Variants in PSME3IP1 observed in about 807,000 individuals in gnomAD.
PSME3IP1 encodes the protein PSME3-interacting protein.
In PSME3IP1, 13 loss-of-function variants were observed where a neutral mutation model predicts 34.1. That is an observed-to-expected ratio of 0.38 (90% CI 0.25 to 0.61). PSME3IP1 has a LOEUF of 0.61. Ranked by LOEUF, PSME3IP1 falls within the 20% of genes least tolerant of loss-of-function variation. The pLI, the probability that PSME3IP1 is intolerant of heterozygous loss-of-function variation, is 0.60. For synonymous variants in PSME3IP1, 93 were observed against 114.3 expected (o/e 0.81, Z 1.19); for missense variants, 237 against 301.4 (o/e 0.79, Z 1.58).
rs1302365370 is a variant in PSME3IP1, at chr16:57,164,026, G to A, written c.522C>T (p.Asp174=). The part of the protein sequence containing the change: ...SGNSVKRLKP[D]PEPDDKNQEP... ...CTTGATTCTTGTCATCTGGCTCAGG[G>A]TCCGGTTTCAGTCTTTTCACACTGT... The change falls in exon 6 of 7, where the codon GAC becomes GAT. Residue 174 remains aspartate (D), a synonymous_variant. Coordinates refer to ENST00000309137, the MANE Select transcript of PSME3IP1 (RefSeq NM_024946.4). 6.2e-7 allele frequency: 1 copy of A among 1,614,110 alleles called. No individual in the cohort carries two copies. Among genetic ancestry groups the A allele is most frequent in the Non-Finnish European group, 8.5e-7 (1 of 1,180,014 alleles).
chr16:57,158,309 C>A (rs2070801041), intron 6 of PSME3IP1, among the ~76,000 whole-genome samples: 1 of 152,174 alleles, frequency 6.6e-6, no homozygotes, highest in Non-Finnish European at 1.5e-5. Flanking sequence ...ACAAACCAGC[C>A]AGGCGTGGTG....
intron 6 of PSME3IP1, among the ~76,000 whole-genome samples, chr16:57,155,869 G>A (rs759430524): frequency 6.6e-6 from 1 of 151,736 alleles, no homozygotes; most frequent in Non-Finnish European, 1.5e-5. Flanking sequence ...CTACTTGTGA[G>A]GCTAATGTGA....
chr16:57,159,561 C>T (rs1335027098), intron 6 of PSME3IP1, among the ~76,000 whole-genome samples: 1 of 152,114 alleles, frequency 6.6e-6, no homozygotes, highest in Non-Finnish European at 1.5e-5. Context: ...GGGCCCAAGA[C>T]GGAAATCCTC....
chr16:57,172,118 A>T, intron 4 of PSME3IP1, 133 bp downstream of exon 4: 1 of 898,518 alleles, frequency 1.1e-6, no homozygotes, highest in African/African-American at 1.7e-5. Flanking sequence ...GAATTACAGG[A>T]ATATCAGTGT....
intron 5 of PSME3IP1, among the ~76,000 whole-genome samples, chr16:57,164,708 C>G (rs1252062092): frequency 6.6e-6 from 1 of 152,166 alleles, no homozygotes; most frequent in Non-Finnish European, 1.5e-5. Context: ...TATTTTCTTG[C>G]AGGGAGTACA....
At position 57,154,289 on chromosome 16, in the gene PSME3IP1, A is replaced by G; in HGVS notation, c.*1T>C. On this transcript the variant is annotated 3_prime_UTR_variant, in exon 7 of 7. Transcript: ENST00000309137. This position sits in a 1 kb window ranked among gnomAD's most constrained non-coding sequence, Gnocchi z 4.0. ...GAGCTCCCTGTGTAGGGACGGAGAA[A>G]CTAGGGGGCCTCGAGGAAGGTGTTG... 5 of 1,613,640 alleles carry G rather than the reference A, an allele frequency of 3.1e-6. No homozygotes were observed. The highest frequency in any genetic ancestry group is 3.4e-6 in the Non-Finnish European group (4 of 1,179,866).
At position 57,154,184 on chromosome 16, in the gene PSME3IP1, A is replaced by G; in HGVS notation, c.*106T>C. The G allele has an allele frequency of 1.2e-6, 1 of 856,628 alleles. No individual in the cohort carries two copies. Among genetic ancestry groups the G allele is most frequent in the East Asian group, 2.6e-5 (1 of 38,860 alleles). The allele number at this position is 856,628 out of a possible 1,614,324, so 53.1% of individuals were successfully genotyped here. A position where few individuals can be genotyped will look rare whatever the true frequency, so the allele number is the denominator to read the frequency against. On this transcript the variant is annotated 3_prime_UTR_variant, in exon 7 of 7. Coordinates refer to ENST00000309137, the MANE Select transcript of PSME3IP1 (RefSeq NM_024946.4). This position sits in a 1 kb window ranked among gnomAD's most constrained non-coding sequence, Gnocchi z 4.0. ...TGGTTAAAAATGTCATGTTGTACAC[A>G]GGATGCAGGCAAAGGAGTTTTTTTT...
In PSME3IP1 at chr16:57,172,798, C is replaced by A; in HGVS notation, c.204G>T (p.Glu68Asp). Residue 68 changes from glutamate to aspartate, a missense_variant, in exon 3 of 7, where the codon GAG (glutamate) becomes GAT (aspartate). Glu to Asp is a conservative substitution (Grantham distance 45, BLOSUM62 2). Transcript: ENST00000309137. ...TACTGAATTTGAACTGTTCCTCGTACTCCTGCTGCTTCCTGTCCTTCTGTT... is the reference window on the plus strand; with the variant it reads ...TACTGAATTTGAACTGTTCCTCGTAATCCTGCTGCTTCCTGTCCTTCTGTT... ...LQEQKDRKQQ[E>D]YEEQFKFKNM... The A allele has an allele frequency of 6.2e-7, 1 of 1,613,540 alleles. No individual in the cohort carries two copies. Among genetic ancestry groups the A allele is most frequent in the Non-Finnish European group, 8.5e-7 (1 of 1,179,414 alleles).
intron 1 of PSME3IP1, chr16:57,178,652 CA>C: frequency 1.0e-6 from 1 of 985,318 alleles, no homozygotes; most frequent in Non-Finnish European, 1.2e-6. Context: ...GAATTCTATT[CA>C]AACGCCATAC....
chr16:57,175,015 CCTT>C (rs1364328896), intron 1 of PSME3IP1: 2 of 148,644 alleles, frequency 1.3e-5, no homozygotes, highest in Non-Finnish European at 3.0e-5. Context: ...ACTTATTACT[CCTT>C]TTTTTTTTTT....
intron 1 of PSME3IP1, among the ~76,000 whole-genome samples, chr16:57,182,004 G>C (rs190523122): frequency 1.3e-5 from 2 of 152,070 alleles, no homozygotes; most frequent in African/African-American, 4.8e-5. Context: ...TCATCAGCTC[G>C]TCTGCCTTCT....
At chr16:57,159,602 T>G (rs1332347057) in intron 6 of PSME3IP1, among the ~76,000 whole-genome samples, 1 of 152,136 alleles carries the variant, frequency 6.6e-6, no homozygotes, top group Non-Finnish European at 1.5e-5. Context: ...GAAGCAAGCT[T>G]CAGGGAGCGT....
chr16:57,179,796 T>C (rs1335029307), intron 1 of PSME3IP1, among the ~76,000 whole-genome samples: 1 of 152,220 alleles, frequency 6.6e-6, no homozygotes, highest in Non-Finnish European at 1.5e-5. Flanking sequence ...CATTTCCTTT[T>C]GTGAGTAAAT....
upstream of PSME3IP1, chr16:57,186,040 A>G (rs368838383): frequency 3.0e-6 from 3 of 985,188 alleles, no homozygotes; most frequent in African/African-American, 5.2e-5. Context: ...CCGCCACAAT[A>G]GAGTCCCGCC....
At chr16:57,164,874 A>G (rs2071669598) in intron 5 of PSME3IP1, among the ~76,000 whole-genome samples, 1 of 152,118 alleles carries the variant, frequency 6.6e-6, no homozygotes, top group African/African-American at 2.4e-5. Flanking sequence ...TCTACAAAAA[A>G]TACAAAATTA....
At chr16:57,185,044 G>A (rs920694226) in intron 1 of PSME3IP1, among the ~76,000 whole-genome samples, 21 of 152,350 alleles carry the variant, frequency 1.4e-4, no homozygotes, top group Non-Finnish European at 2.1e-4. Flanking sequence ...CAAATCTTAT[G>A]TCACAGGTGG....
intron 3 of PSME3IP1, among the ~76,000 whole-genome samples, 160 bp from the exon 4 acceptor site, chr16:57,172,532 A>T (rs1329788114): frequency 6.6e-6 from 1 of 152,256 alleles, no homozygotes; most frequent in Non-Finnish European, 1.5e-5. Flanking sequence ...CATAAAAAAA[A>T]ACAAGGCATT....
intron 4 of PSME3IP1, among the ~76,000 whole-genome samples, chr16:57,168,994 T>C (rs2072249146): frequency 6.6e-6 from 1 of 151,990 alleles, no homozygotes. Flanking sequence ...TATATATTTA[T>C]ACATTATTTA....
At chr16:57,161,541 T>C (rs1202587993) in intron 6 of PSME3IP1, among the ~76,000 whole-genome samples, 2 of 140,520 alleles carry the variant, frequency 1.4e-5, no homozygotes, top group African/African-American at 2.7e-5. Context: ...AGACGGAGTC[T>C]CCCTCTGTCA....
Sources: gnomAD v4.1 joint callset for allele counts (sites outside exome capture counted in the v4.1 genomes callset) on GRCh38, gnomAD v4.1.1 for gene constraint, Gnocchi (gnomAD v3.1) non-coding constraint, MANE v1.5 for transcripts, NCBI Gene and HGNC (gene_info 2026-07-23, HGNC 2026-07-21) for gene names.